PBLD: variants seen among roughly 807,000 people sequenced by gnomAD.
PBLD encodes the protein phenazine biosynthesis like protein domain containing.
In PBLD, 26 loss-of-function variants were observed where a neutral mutation model predicts 31.3. The ratio of observed to expected loss-of-function variants is 0.83; its 90% CI spans 0.61 to 1.15. The LOEUF (loss-of-function observed/expected upper bound fraction) is 1.15, where lower values mean the gene tolerates loss of function less well. Ranked by LOEUF, PBLD falls within the 50% of genes most tolerant of loss-of-function variation. The pLI is 0.00. For synonymous variants in PBLD, 114 were observed against 129.0 expected (o/e 0.88, Z 0.79); for missense variants, 307 against 351.7 (o/e 0.87, Z 1.02).
In PBLD at chr10:68,306,761, A is replaced by AT; in HGVS notation, c.83dup (p.Asn28LysfsTer2). On this transcript the variant is annotated frameshift_variant and splice_region_variant, in exon 2 of 10. Transcript: ENST00000358769. LOFTEE classifies it high-confidence loss of function. ...CTGTAATTCAAAACCAAGCACTTAC[A>AT]TTTTCTAGGAGGCAAACAGCAGCAG... is the stretch of plus-strand genomic sequence containing the variant. 6.2e-7 allele frequency: 1 copy of AT among 1,611,860 alleles called. No individual in the cohort carries two copies. The highest frequency in any genetic ancestry group is 8.5e-7 in the Non-Finnish European group (1 of 1,178,306).
At chr10:68,322,193 A>G (rs2044845058) in intron 1 of PBLD, among the ~76,000 whole-genome samples, 1 of 152,190 alleles carries the variant, frequency 6.6e-6, no homozygotes, top group Non-Finnish European at 1.5e-5. Context: ...AATCCTGAGA[A>G]AAACATCAGA....
chr10:68,295,056 C>G (rs1008005630), intron 4 of PBLD, among the ~76,000 whole-genome samples: 1 of 152,204 alleles, frequency 6.6e-6, no homozygotes, highest in African/African-American at 2.4e-5. Flanking sequence ...AATCTCTTCT[C>G]TGTCCCATCC....
chr10:68,315,578 A>G (rs2044726788), intron 1 of PBLD, among the ~76,000 whole-genome samples: 1 of 95,088 alleles, frequency 1.1e-5, no homozygotes, highest in Non-Finnish European at 1.9e-5. Flanking sequence ...TCTGTCTCCA[A>G]AAAAAAAAAA....
intron 1 of PBLD, among the ~76,000 whole-genome samples, chr10:68,313,960 AT>A (rs1489933016): frequency 6.6e-5 from 10 of 151,962 alleles, no homozygotes; most frequent in Non-Finnish European, 1.0e-4. Flanking sequence ...TCTAATTTTT[AT>A]TTTTATTTTT....
At chr10:68,314,743 G>A (rs1269368717) in intron 1 of PBLD, among the ~76,000 whole-genome samples, 1 of 151,788 alleles carries the variant, frequency 6.6e-6, no homozygotes, top group Non-Finnish European at 1.5e-5. Context: ...GATTACAGGA[G>A]CACAACACCA....
At chr10:68,331,055 G>C (rs1377685830) in intron 1 of PBLD, 1 of 152,106 alleles carries the variant, frequency 6.6e-6, no homozygotes, top group Non-Finnish European at 1.5e-5. Flanking sequence ...TGTATTTTTT[G>C]TAGAGACAGC....
chr10:68,305,482 C>T (rs959213878), intron 2 of PBLD, among the ~76,000 whole-genome samples: 20 of 151,082 alleles, frequency 1.3e-4, no homozygotes, highest in Admixed American at 8.6e-4. Flanking sequence ...TGGCCGGGCG[C>T]GGTGCTCACG....
intron 1 of PBLD, among the ~76,000 whole-genome samples, chr10:68,316,722 G>T (rs771792654): frequency 5.9e-5 from 9 of 152,110 alleles, no homozygotes; most frequent in Non-Finnish European, 1.0e-4. Flanking sequence ...GAAAGAAAAT[G>T]ACTGAATTGG....
chr10:68,315,359 T>C lies in PBLD; in HGVS notation c.-59-8456A>G, dbSNP rs141400835. ...CAGCACTCTGGGAGGCCTAGAAGGG[T>C]GGTTGACTTGAGGTCAGGAGTTCAA... On this transcript the variant is annotated intron_variant, in intron 1 of 9. Transcript: ENST00000358769. 1.1e-3 allele frequency among the ~76,000 whole-genome samples: 173 copies of C among 151,250 alleles called. 1 individual carries two copies. The highest frequency in any genetic ancestry group is 3.5e-3 in the Middle Eastern group (1 of 288).
chr10:68,307,747 C>T (rs955457850), intron 1 of PBLD, among the ~76,000 whole-genome samples: 2 of 152,160 alleles, frequency 1.3e-5, no homozygotes, highest in African/African-American at 4.8e-5. Context: ...GATCCACCCG[C>T]CTCGGCCTCC....
chr10:68,304,124 G>A (rs2134468261), intron 2 of PBLD, among the ~76,000 whole-genome samples: 1 of 152,150 alleles, frequency 6.6e-6, no homozygotes, highest in African/African-American at 2.4e-5. Flanking sequence ...ATTTTCCTGT[G>A]GCCACCTGTA....
intron 9 of PBLD, 146 bp from the exon 10 acceptor site, chr10:68,284,435 C>T: frequency 3.1e-6 from 2 of 650,996 alleles, no homozygotes; most frequent in South Asian, 3.8e-5. Context: ...ACTGCCCACT[C>T]CCATCCCCAT....
intron 4 of PBLD, among the ~76,000 whole-genome samples, chr10:68,293,266 G>A (rs946131373): frequency 6.6e-6 from 1 of 152,188 alleles, no homozygotes; most frequent in African/African-American, 2.4e-5. Flanking sequence ...CATTTAAGTT[G>A]TAAATATCAG....
Position 68,288,416 on chromosome 10 carries a change from T to C in PBLD, c.691+67A>G. The C allele has an allele frequency of 1.9e-6, 3 of 1,544,238 alleles. No individual in the cohort carries two copies. The South Asian group carries it at 3.7e-5, about 19-fold the overall frequency. Reference sequence around the variant, plus strand: ...ACCTGAAAGGTCACAGGAAGTGCACTTAAATAACTATTTGTGATCCTCCTC... The same window carrying C: ...ACCTGAAAGGTCACAGGAAGTGCACCTAAATAACTATTTGTGATCCTCCTC... On this transcript the variant is annotated intron_variant, in intron 8 of 9. Coordinates refer to ENST00000358769, the MANE Select transcript of PBLD (RefSeq NM_022129.4).
chr10:68,326,839 G>A lies in PBLD; in HGVS notation c.-60+5945C>T, dbSNP rs147366909. On this transcript the variant is annotated intron_variant, in intron 1 of 9. Transcript: ENST00000358769. ...CGAGGCCAGTGGATCATGAGACCAG[G>A]AGATTGAGACCATCCTGGCCAACAT... Among the ~76,000 whole-genome samples, 396 of 152,264 alleles carry A rather than the reference G, an allele frequency of 2.6e-3. 3 individuals are homozygous for A. Among genetic ancestry groups the A allele is most frequent in the African/African-American group, 9.0e-3 (372 of 41,552 alleles).
At chr10:68,325,136 C>T (rs2044898176) in intron 1 of PBLD, among the ~76,000 whole-genome samples, 2 of 151,556 alleles carry the variant, frequency 1.3e-5, no homozygotes, top group Non-Finnish European at 2.9e-5. Flanking sequence ...CCCAGCGACT[C>T]GGGAGGCTGA....
intron 1 of PBLD, among the ~76,000 whole-genome samples, chr10:68,330,546 T>TG (rs887213300): frequency 2.0e-5 from 3 of 152,186 alleles, no homozygotes; most frequent in Admixed American, 6.5e-5. Context: ...CTGATTTTTT[T>TG]GGGGGGGAAA....
chr10:68,325,754 G>C (rs531616402), intron 1 of PBLD, among the ~76,000 whole-genome samples: 1 of 152,022 alleles, frequency 6.6e-6, no homozygotes, highest in South Asian at 2.1e-4. Flanking sequence ...ATCTTACTGC[G>C]TCCTCAACTG....
In PBLD at chr10:68,292,022, C is replaced by A. The variant is rs2044364808; in HGVS notation, c.411G>T (p.Glu137Asp). The change falls in exon 6 of 10, where the codon GAG becomes GAT. Residue 137 changes from glutamate (E) to aspartate (D), a missense_variant. Glu to Asp is a conservative substitution (Grantham distance 45). Transcript: ENST00000358769. ...PAHPQDFHEV[E>D]DLIKTAIGNT... ...TCTTTTTACCAACCTTTATCAAGTC[C>A]TCTACTTCATGGAAGTCCTAGATGG... is the stretch of plus-strand genomic sequence containing the variant. The A allele has an allele frequency of 1.9e-6, 3 of 1,589,044 alleles. No homozygotes were observed. The Admixed American group carries it at 5.0e-5, about 27-fold the overall frequency.
Sources: allele counts gnomAD v4.1 joint callset (sites outside exome capture counted in the v4.1 genomes callset), GRCh38; gene constraint gnomAD v4.1.1; transcripts MANE v1.5; gene names NCBI Gene and HGNC (gene_info 2026-07-23, HGNC 2026-07-21).